ACSL5: variants seen among roughly 807,000 people sequenced by gnomAD.
ACSL5 encodes the protein acyl-CoA synthetase long chain family member 5.
In ACSL5, 50 loss-of-function variants were observed where a neutral mutation model predicts 84.9. That is an observed-to-expected ratio of 0.59 (90% CI 0.47 to 0.75). ACSL5 has a LOEUF of 0.75. ACSL5 is among the 30% of genes least tolerant of loss of function. The pLI is 0.00. For synonymous variants in ACSL5, 280 were observed against 300.7 expected (o/e 0.93, Z 0.71); for missense variants, 775 against 830.4 (o/e 0.93, Z 0.82).
chr10:112,388,582 T>G (rs1849499005), intron 1 of ACSL5, among the ~76,000 whole-genome samples: 1 of 152,148 alleles, frequency 6.6e-6, no homozygotes, highest in Non-Finnish European at 1.5e-5. Flanking sequence ...AACCACTTGT[T>G]GAAAGTTTTT....
intron 9 of ACSL5, 50 bp from the exon 10 acceptor site, chr10:112,411,406 A>G (rs1171209475): frequency 4.1e-6 from 6 of 1,479,880 alleles, no homozygotes; most frequent in Non-Finnish European, 5.7e-6. Context: ...GCCAAAGGCT[A>G]CCTATTAGCT....
intron 3 of ACSL5, among the ~76,000 whole-genome samples, chr10:112,399,609 T>G (rs1329172620): frequency 6.6e-6 from 1 of 152,208 alleles, no homozygotes; most frequent in African/African-American, 2.4e-5. Flanking sequence ...TTGAACATAA[T>G]GCCTGGCACA....
intron 1 of ACSL5, among the ~76,000 whole-genome samples, chr10:112,393,606 G>T (rs1215243816): frequency 1.3e-5 from 2 of 152,170 alleles, no homozygotes; most frequent in African/African-American, 4.8e-5. Flanking sequence ...AATTGAGCTT[G>T]CTTTGTTCTT....
chr10:112,374,450 A>G (rs757889284), intron 1 of ACSL5, among the ~76,000 whole-genome samples, 181 bp downstream of exon 1: 5 of 152,194 alleles, frequency 3.3e-5, no homozygotes, highest in Non-Finnish European at 7.3e-5. Flanking sequence ...AAAGAAAAAA[A>G]TCAGTTGGAA....
At chr10:112,390,183 G>GTATATATATATGACCTAATTTT (rs1564732370) in intron 1 of ACSL5, among the ~76,000 whole-genome samples, 1 of 151,504 alleles carries the variant, frequency 6.6e-6, no homozygotes, top group African/African-American at 2.4e-5. Flanking sequence ...AGTGTTGTGT[G>GTATATATATATGACCTAATTTT]TATATATATA....
chr10:112,422,467 A>C, intron 17 of ACSL5, 26 bp downstream of exon 17: 1 of 1,595,672 alleles, frequency 6.3e-7, no homozygotes, highest in Non-Finnish European at 8.6e-7. Context: ...GAACTCCTGG[A>C]AGTCTATGCT....
At chr10:112,413,868 G>A (rs1844247927) in intron 12 of ACSL5, among the ~76,000 whole-genome samples, 1 of 152,186 alleles carries the variant, frequency 6.6e-6, no homozygotes, top group Admixed American at 6.5e-5. Context: ...AGACATCTTG[G>A]GAAGTTGTTC....
Position 112,422,396 on chromosome 10 carries a change from C to G in ACSL5, c.1548C>G (p.Asp516Glu). 1.9e-6 allele frequency: 3 copies of G among 1,614,160 alleles called. No homozygotes were observed. The highest frequency in any genetic ancestry group is 2.5e-6 in the Non-Finnish European group (3 of 1,180,028). The change falls in exon 17 of 21, where the codon GAC becomes GAG. Residue 516 changes from aspartate to glutamate, a missense_variant. Coordinates refer to ENST00000354655, the MANE Select transcript of ACSL5 (RefSeq NM_203379.2). ...CTGAGAAGACACAGGAAGCCCTGGA[C>G]AGTGATGGCTGGCTTCACACAGGAG... The part of the protein sequence containing the change: ...KDPEKTQEAL[D>E]SDGWLHTGDI...
At chr10:112,376,645 G>A (rs143766122) in intron 1 of ACSL5, among the ~76,000 whole-genome samples, 425 of 152,142 alleles carry the variant, frequency 2.8e-3, no homozygotes, top group Non-Finnish European at 4.7e-3. Context: ...AGGAGCAACG[G>A]GAAGGAAGGA....
rs537869801 is a variant in ACSL5 at position 112,395,126 on chromosome 10, G to A, written c.156+24G>A. 18 of 1,604,326 alleles carry A rather than the reference G, an allele frequency of 1.1e-5. No individual in the cohort carries two copies. In the South Asian group the frequency reaches 2.0e-4, roughly 18 times the overall value. On this transcript the variant is annotated intron_variant, in intron 2 of 20. Coordinates refer to ENST00000354655, the MANE Select transcript of ACSL5 (RefSeq NM_203379.2). ...AGGTAATTTACCAGTCATCCTTTTA[G>A]TTTGTCAACCTTCCTCAAACTCAAA... is the stretch of plus-strand genomic sequence containing the variant.
intron 9 of ACSL5, 33 bp from the exon 10 acceptor site, chr10:112,411,423 A>G: frequency 6.4e-7 from 1 of 1,561,492 alleles, no homozygotes; most frequent in Non-Finnish European, 8.8e-7. Flanking sequence ...AGCTACATAA[A>G]GTATCTTTCT....
At chr10:112,397,060 C>T (rs1843762443) in intron 2 of ACSL5, among the ~76,000 whole-genome samples, 2 of 152,136 alleles carry the variant, frequency 1.3e-5, no homozygotes, top group African/African-American at 4.8e-5. Context: ...GAGAGTTGGA[C>T]CACTGGACCA....
intron 14 of ACSL5, among the ~76,000 whole-genome samples, chr10:112,421,142 TTTTG>T (rs1243183671): frequency 1.3e-5 from 2 of 152,030 alleles, no homozygotes; most frequent in South Asian, 2.1e-4. Flanking sequence ...GTTCAAGGTT[TTTTG>T]TTTGTTCGTT....
Position 112,394,934 on chromosome 10 carries a change from G to A in ACSL5, c.-13G>A. ...TTTTTTAAGGTCTGAATTTCCTGCT[G>A]CTGTTCACAAAGATGCTTTTTATCT... is the stretch of plus-strand genomic sequence containing the variant. On this transcript the variant is annotated 5_prime_UTR_variant, in exon 2 of 21. Coordinates refer to ENST00000354655, the MANE Select transcript of ACSL5 (RefSeq NM_203379.2). The A allele has an allele frequency of 6.2e-7, 1 of 1,612,582 alleles. No individual in the cohort carries two copies. Among genetic ancestry groups the A allele is most frequent in the Non-Finnish European group, 8.5e-7 (1 of 1,179,844 alleles).
intron 19 of ACSL5, 47 bp downstream of exon 19, chr10:112,426,406 T>C: frequency 3.3e-6 from 5 of 1,524,146 alleles, no homozygotes; most frequent in Non-Finnish European, 3.6e-6. Context: ...GGGCCCATCG[T>C]GGAGGAGAGG....
At chr10:112,400,180 A>G (rs771359374) in intron 3 of ACSL5, among the ~76,000 whole-genome samples, 1 of 152,160 alleles carries the variant, frequency 6.6e-6, no homozygotes, top group Non-Finnish European at 1.5e-5. Flanking sequence ...TTAAGATAGT[A>G]TATGTCTAAT....
At chr10:112,401,786 C>CTCTTCCTTTCTT (rs1554862685) in intron 3 of ACSL5, among the ~76,000 whole-genome samples, 9 of 119,494 alleles carry the variant, frequency 7.5e-5, no homozygotes, top group African/African-American at 2.8e-4. Context: ...TTCTTTCTTT[C>CTCTTCCTTTCTT]TCTTTCTTTC....
At chr10:112,417,820 G>T in intron 13 of ACSL5, 26 bp from the exon 14 acceptor site, 1 of 1,599,814 alleles carries the variant, frequency 6.3e-7, no homozygotes, top group Non-Finnish European at 8.6e-7. Flanking sequence ...ATAGGTTTTA[G>T]TATGTCTTTT....
In ACSL5 at chr10:112,417,000, A is replaced by G; in HGVS notation, c.1196A>G (p.Lys399Arg). Residue 399 changes from lysine (K) to arginine (R), a missense_variant, in exon 13 of 21, where the codon AAG (lysine) becomes AGG (arginine). By Grantham distance (26) the Lys-to-Arg change is conservative. Coordinates refer to ENST00000354655, the MANE Select transcript of ACSL5 (RefSeq NM_203379.2). ...GIIRHDSFWD[K>R]LIFAKIQDSL... The stretch of plus-strand genomic sequence containing the variant: ...ATCAGGCATGATAGTTTCTGGGACA[A>G]GCTCATCTTTGCAAAGATCCAGGTA... The G allele has an allele frequency of 6.2e-7, 1 of 1,613,978 alleles. No individual in the cohort carries two copies. The highest frequency in any genetic ancestry group is 8.5e-7 in the Non-Finnish European group (1 of 1,179,936).
Sources: allele counts gnomAD v4.1 joint callset (sites outside exome capture counted in the v4.1 genomes callset), GRCh38; gene constraint gnomAD v4.1.1; transcripts MANE v1.5; gene names NCBI Gene and HGNC (gene_info 2026-07-23, HGNC 2026-07-21).